Variants in RORA observed in about 807,000 individuals in gnomAD.
RORA encodes the protein nuclear receptor ROR-alpha.
RORA carries 7 observed loss-of-function variants against 69.5 expected under a neutral mutation model. That is an observed-to-expected ratio of 0.10 (90% CI 0.06 to 0.19). RORA has a LOEUF of 0.19. Ranked by LOEUF, RORA falls within the 10% of genes least tolerant of loss-of-function variation. The pLI, the probability that RORA is intolerant of heterozygous loss-of-function variation, is 1.00. For synonymous variants in RORA, 261 were observed against 240.8 expected, an observed-to-expected ratio of 1.08 and a Z score of -0.78; for missense variants, 457 against 663.0, an observed-to-expected ratio of 0.69 and a Z score of 3.41.
intron 1 of RORA, among the ~76,000 whole-genome samples, chr15:61,071,251 T>G (rs866755447): frequency 0.11 from 36 of 316 alleles, no homozygotes; most frequent in East Asian, 0.17. Flanking sequence ...GGGAAGGGAA[T>G]GGAGGGGAGG....
chr15:60,790,969 C>T (rs998847160), intron 1 of RORA, among the ~76,000 whole-genome samples: 3 of 152,100 alleles, frequency 2.0e-5, no homozygotes, highest in Admixed American at 2.0e-4. Flanking sequence ...AAACGCCCCC[C>T]CATTGCCCCC....
intron 1 of RORA, among the ~76,000 whole-genome samples, chr15:61,198,488 C>T (rs2079864864): frequency 1.3e-5 from 2 of 152,074 alleles, no homozygotes; most frequent in South Asian, 4.2e-4. Context: ...GGAGGATATG[C>T]CAACAAAAGG....
rs562422965 is a variant in RORA, at chr15:61,216,721, C to T, written c.166+12332G>A. Among the ~76,000 whole-genome samples, 68 of 152,202 alleles carry T rather than the reference C, an allele frequency of 4.5e-4. No homozygotes were observed. In the South Asian group the frequency reaches 0.013, roughly 29 times the overall value. On this transcript the variant is annotated intron_variant, in intron 1 of 10. Coordinates refer to ENST00000335670, the MANE Select transcript of RORA (RefSeq NM_134261.3). ...GAAGCCAGACAGGTATGGGAGGTAA[C>T]GTCAGGAAAGCTCAACAAGTGGCTG...
At chr15:60,555,936 G>C (rs962045335) in intron 2 of RORA, among the ~76,000 whole-genome samples, 2 of 152,062 alleles carry the variant, frequency 1.3e-5, no homozygotes, top group Admixed American at 1.3e-4. Context: ...CTTTACTCCT[G>C]ATATTTGTAA....
chr15:61,075,195 CTT>C (rs1266261667), intron 1 of RORA, among the ~76,000 whole-genome samples: 1 of 152,068 alleles, frequency 6.6e-6, no homozygotes, highest in Non-Finnish European at 1.5e-5. Flanking sequence ...AGGTATTTCT[CTT>C]GTTACAGGGG....
At chr15:60,542,620 G>A (rs1241178672) in intron 2 of RORA, among the ~76,000 whole-genome samples, 3 of 115,488 alleles carry the variant, frequency 2.6e-5, no homozygotes, top group Non-Finnish European at 5.2e-5. Flanking sequence ...CTCACACACG[G>A]CACACATGCA....
intron 1 of RORA, among the ~76,000 whole-genome samples, chr15:60,995,833 C>T (rs1110418): frequency 0.43 from 65,146 of 151,956 alleles, 15,537 homozygotes; most frequent in African/African-American, 0.64. Context: ...GAAAAAAGAA[C>T]GCACATCTGA....
intron 1 of RORA, among the ~76,000 whole-genome samples, chr15:60,770,524 A>T (rs1278607225): frequency 6.6e-6 from 1 of 152,230 alleles, no homozygotes; most frequent in Non-Finnish European, 1.5e-5. Context: ...AGTTTCAGCT[A>T]CAGGGAACCC....
intron 1 of RORA, among the ~76,000 whole-genome samples, chr15:60,711,512 C>T (rs180870246): frequency 6.6e-6 from 1 of 152,272 alleles, no homozygotes; most frequent in East Asian, 1.9e-4. Flanking sequence ...TCTTCTTCCC[C>T]ATTTTTGCAT....
chr15:60,780,291 G>T (rs2072234578), intron 1 of RORA, among the ~76,000 whole-genome samples: 1 of 152,158 alleles, frequency 6.6e-6, no homozygotes, highest in South Asian at 2.1e-4. Flanking sequence ...TGGAACTAGG[G>T]CCTATGCGGG....
At chr15:60,783,690 T>C (rs2072294990) in intron 1 of RORA, among the ~76,000 whole-genome samples, 1 of 152,168 alleles carries the variant, frequency 6.6e-6, no homozygotes, top group Non-Finnish European at 1.5e-5. Flanking sequence ...TTTTCCCACA[T>C]GGGATGACTT....
chr15:60,952,468 G>T (rs1412009086), intron 1 of RORA, among the ~76,000 whole-genome samples: 1 of 151,778 alleles, frequency 6.6e-6, no homozygotes, highest in Non-Finnish European at 1.5e-5. Context: ...AGGAAATAAA[G>T]GGTATTCAAT....
chr15:60,847,552 C>A (rs557533725), intron 1 of RORA, among the ~76,000 whole-genome samples: 1 of 151,994 alleles, frequency 6.6e-6, no homozygotes, highest in East Asian at 1.9e-4. Context: ...GAGAACAGTG[C>A]CTAGACATGT....
chr15:60,591,490 C>A (rs1188952936), intron 2 of RORA, among the ~76,000 whole-genome samples: 2 of 152,226 alleles, frequency 1.3e-5, no homozygotes, highest in Non-Finnish European at 2.9e-5. Context: ...TAGAGCCAGT[C>A]CTCCCTCCAA....
chr15:61,121,588 T>A (rs2079104755), intron 1 of RORA, among the ~76,000 whole-genome samples: 1 of 152,058 alleles, frequency 6.6e-6, no homozygotes, highest in East Asian at 1.9e-4. Context: ...TGCACCAGGA[T>A]CTCAAATCTG....
chr15:60,663,499 A>G (rs574078840), intron 2 of RORA, among the ~76,000 whole-genome samples: 3 of 152,350 alleles, frequency 2.0e-5, no homozygotes, highest in Admixed American at 2.0e-4. Flanking sequence ...CTTGTTGCCC[A>G]GGCTGGAGTG....
intron 1 of RORA, among the ~76,000 whole-genome samples, chr15:60,821,936 C>T (rs946727999): frequency 5.3e-5 from 8 of 152,168 alleles, no homozygotes; most frequent in Admixed American, 5.2e-4. Flanking sequence ...TCCTGAGCCT[C>T]ATACTAAAAA....
chr15:61,067,114 CTTTTTTTTTTT>C lies in RORA; in HGVS notation c.166+161928_166+161938del, dbSNP rs772963614. 1.5e-3 allele frequency among the ~76,000 whole-genome samples: 210 copies of C among 138,474 alleles called. 10 individuals carry two copies. In the East Asian group the frequency reaches 0.039, roughly 26 times the overall value. The allele number at this position is 138,474 out of a possible 152,430, so 90.8% of individuals were successfully genotyped here. On this transcript the variant is annotated intron_variant, in intron 1 of 10. Transcript: ENST00000335670. ...GTATGCATTAGTCTAAACTTTTTTT[CTTTTTTTTTTT>C]TTTTGAGACAGAGTCTCACTCTGTC...
At chr15:60,818,517 A>G (rs1237402126) in intron 1 of RORA, among the ~76,000 whole-genome samples, 1 of 152,200 alleles carries the variant, frequency 6.6e-6, no homozygotes, top group Non-Finnish European at 1.5e-5. Context: ...CAGAACCAGC[A>G]TGTGTTTGAA....
Sources: allele counts gnomAD v4.1 joint callset (sites outside exome capture counted in the v4.1 genomes callset), GRCh38; gene constraint gnomAD v4.1.1; transcripts MANE v1.5; gene names NCBI Gene and HGNC (gene_info 2026-07-23, HGNC 2026-07-21).